CFAP95: variants seen among roughly 807,000 people sequenced by gnomAD.
CFAP95 encodes cilia and flagella associated protein 95, also known as cilia- and flagella-associated protein 95.
chr9:69,836,682 T>G, the CFAP95 span, among the ~76,000 whole-genome samples: 2 of 126,652 alleles, frequency 1.6e-5, no homozygotes, highest in Non-Finnish European at 3.4e-5. Context: ...CATTTTGGCT[T>G]CAATTTCTTT....
chr9:69,887,451 A>G, the CFAP95 span, among the ~76,000 whole-genome samples: 3 of 152,250 alleles, frequency 2.0e-5, no homozygotes, highest in Non-Finnish European at 4.4e-5. Context: ...ATTTTCCAAT[A>G]GTATAATTAT....
chr9:69,871,229 AAATAAT>A, the CFAP95 span, among the ~76,000 whole-genome samples: 1 of 151,866 alleles, frequency 6.6e-6, no homozygotes, highest in African/African-American at 2.4e-5. Context: ...AATAAAAATA[AAATAAT>A]AATAATAAAC....
At chr9:69,839,286 T>C in the CFAP95 span, among the ~76,000 whole-genome samples, 1 of 144,990 alleles carries the variant, frequency 6.9e-6, no homozygotes, top group Admixed American at 7.1e-5. Flanking sequence ...TTTCTCTTGA[T>C]TGGAATAGTT....
chr9:69,872,839 AC>A, the CFAP95 span, among the ~76,000 whole-genome samples: 2 of 151,976 alleles, frequency 1.3e-5, no homozygotes, highest in Non-Finnish European at 2.9e-5. Context: ...ATACAAAGCG[AC>A]CCCCCAAATG....
the CFAP95 span, among the ~76,000 whole-genome samples, chr9:69,880,402 A>G: frequency 6.6e-6 from 1 of 152,126 alleles, no homozygotes; most frequent in Admixed American, 6.5e-5. Context: ...CGGTGAGAAC[A>G]TGTGATATTT....
the CFAP95 span, among the ~76,000 whole-genome samples, chr9:69,889,540 C>G: frequency 6.6e-6 from 1 of 152,210 alleles, no homozygotes; most frequent in Non-Finnish European, 1.5e-5. Flanking sequence ...ATTTCATTCT[C>G]AGCCAATCTT....
chr9:69,833,650 T>C, the CFAP95 span, among the ~76,000 whole-genome samples: 2 of 152,194 alleles, frequency 1.3e-5, no homozygotes, highest in Non-Finnish European at 2.9e-5. Context: ...CTCCTTCTAC[T>C]TGGCCTCAGC....
chr9:69,878,462 T>C, the CFAP95 span, among the ~76,000 whole-genome samples: 1 of 152,238 alleles, frequency 6.6e-6, no homozygotes, highest in Non-Finnish European at 1.5e-5. Flanking sequence ...TGTTTCAGCA[T>C]GGGCTCTGAT....
the CFAP95 span, among the ~76,000 whole-genome samples, chr9:69,872,246 C>T: frequency 6.6e-6 from 1 of 152,200 alleles, no homozygotes; most frequent in South Asian, 2.1e-4. Context: ...GTATAGTGCT[C>T]TATATCTTTC....
chr9:69,856,192 C>T, the CFAP95 span, among the ~76,000 whole-genome samples: 1 of 151,974 alleles, frequency 6.6e-6, no homozygotes, highest in African/African-American at 2.4e-5. Context: ...TATCTGAAGT[C>T]CTTGTGATTT....
chr9:69,862,387 C>A, the CFAP95 span, among the ~76,000 whole-genome samples: 1 of 152,170 alleles, frequency 6.6e-6, no homozygotes, highest in Non-Finnish European at 1.5e-5. Context: ...AATACATGAA[C>A]ACCTTCAACC....
the CFAP95 span, among the ~76,000 whole-genome samples, chr9:69,862,635 G>A: frequency 1.3e-5 from 2 of 152,208 alleles, no homozygotes; most frequent in Non-Finnish European, 2.9e-5. Flanking sequence ...AAGAAAGACT[G>A]TAATCATAAG....
the CFAP95 span, among the ~76,000 whole-genome samples, chr9:69,901,142 GTT>G: frequency 2.1e-5 from 3 of 142,742 alleles, no homozygotes; most frequent in Non-Finnish European, 1.5e-5. Flanking sequence ...TTTGGTTTTG[GTT>G]TTTTTTTTTT....
the CFAP95 span, among the ~76,000 whole-genome samples, chr9:69,874,387 G>C: frequency 1.3e-5 from 2 of 152,178 alleles, no homozygotes; most frequent in African/African-American, 4.8e-5. Flanking sequence ...TCAGAGCAAG[G>C]GGAGTTGGTT....
the CFAP95 span, among the ~76,000 whole-genome samples, chr9:69,843,505 CCCTCCTCCTCCTCCTCCTCCTCCTCCT>C: frequency 4.2e-3 from 16 of 3,834 alleles, no homozygotes; most frequent in African/African-American, 0.013. Flanking sequence ...CCTCCTCCCC[CCCTCCTCCTCCTCCTCCTCCTCCTCCT>C]CCTCCTCCTC....
the CFAP95 span, among the ~76,000 whole-genome samples, chr9:69,878,819 T>G: frequency 6.6e-6 from 1 of 152,230 alleles, no homozygotes; most frequent in African/African-American, 2.4e-5. Context: ...GGCTCACAGT[T>G]CTACAGGCTT....
At chr9:69,871,997 T>A in the CFAP95 span, among the ~76,000 whole-genome samples, 15 of 152,246 alleles carry the variant, frequency 9.9e-5, no homozygotes, top group African/African-American at 3.6e-4. Context: ...ACATGCCATA[T>A]TTTATTTAAT....
At chr9:69,871,134 C>G in the CFAP95 span, among the ~76,000 whole-genome samples, 2 of 152,096 alleles carry the variant, frequency 1.3e-5, no homozygotes, top group African/African-American at 4.8e-5. Flanking sequence ...ATGAGAATCG[C>G]TTGAACCAGG....
chr9:69,823,458 C>T, the CFAP95 span, among the ~76,000 whole-genome samples: 2 of 152,188 alleles, frequency 1.3e-5, no homozygotes, highest in Non-Finnish European at 2.9e-5. Flanking sequence ...TGAAAACTAA[C>T]TCTCTTGCTG....
Sources: gnomAD v4.1 joint callset for allele counts (sites outside exome capture counted in the v4.1 genomes callset) on GRCh38, gnomAD v4.1.1 for gene constraint, MANE v1.5 for transcripts, NCBI Gene and HGNC (gene_info 2026-07-23, HGNC 2026-07-21) for gene names.